Variants in PDS5B observed in about 807,000 individuals in gnomAD.
PDS5B encodes sister chromatid cohesion protein PDS5 homolog B.
Under a neutral mutation model 184.1 loss-of-function variants are expected in PDS5B, and 51 were observed. That is an observed-to-expected ratio of 0.28 (90% CI 0.22 to 0.35). The LOEUF (loss-of-function observed/expected upper bound fraction) is 0.35. Ranked by LOEUF, PDS5B falls within the 10% of genes least tolerant of loss-of-function variation. The pLI is 1.00. For missense variants in PDS5B, 1,180 were observed against 1,723.3 expected (o/e 0.68, Z 5.58); for synonymous variants, 566 against 569.2 (o/e 0.99, Z 0.08).
At chr13:32,652,571 C>G in intron 3 of PDS5B, 1 of 104,082 alleles carries the variant, frequency 9.6e-6, no homozygotes, top group Non-Finnish European at 1.8e-5. Flanking sequence ...GGCGTTGTCT[C>G]TACTTTAAAA....
chr13:32,650,517 A>C (rs911372832), intron 2 of PDS5B: 9 of 152,178 alleles, frequency 5.9e-5, no homozygotes, highest in African/African-American at 2.2e-4. Flanking sequence ...AATATGCTTA[A>C]TCTCTTATCT....
intron 1 of PDS5B, among the ~76,000 whole-genome samples, chr13:32,633,483 T>C (rs1438221771): frequency 2.0e-5 from 3 of 152,166 alleles, no homozygotes; most frequent in South Asian, 2.1e-4. Context: ...TTGTTGATTT[T>C]AGCCAGGAAG....
At chr13:32,663,147 G>T (rs1293585898) in intron 6 of PDS5B, among the ~76,000 whole-genome samples, 1 of 152,002 alleles carries the variant, frequency 6.6e-6, no homozygotes, top group Non-Finnish European at 1.5e-5. Flanking sequence ...AATTACAGCA[G>T]CAGAACTCAA....
At chr13:32,701,987 G>A (rs1951875285) in intron 17 of PDS5B, among the ~76,000 whole-genome samples, 1 of 151,976 alleles carries the variant, frequency 6.6e-6, no homozygotes, top group South Asian at 2.1e-4. Flanking sequence ...ATTCCCTTTT[G>A]TGAAATGTGG....
Position 32,770,119 on chromosome 13 carries a change from A to G in PDS5B, c.3625-2A>G, listed in dbSNP as rs768428902. 6.3e-7 allele frequency: 1 copy of G among 1,580,338 alleles called. No homozygotes were observed. Among genetic ancestry groups the G allele is most frequent in the African/African-American group, 1.4e-5 (1 of 72,286 alleles). Reference sequence around the variant, plus strand: ...TAAATTGTGATTTTTTTTTTCCCCTAGTCTGAATTGGAGAAGCCTAGAGGC... The same window carrying G: ...TAAATTGTGATTTTTTTTTTCCCCTGGTCTGAATTGGAGAAGCCTAGAGGC... On this transcript the variant is annotated splice_acceptor_variant, in intron 31 of 34. Coordinates refer to ENST00000315596, the MANE Select transcript of PDS5B (RefSeq NM_015032.4). LOFTEE classifies it high-confidence loss of function.
Position 32,709,990 on chromosome 13 carries a change from A to G in PDS5B, c.2007A>G (p.Thr669=). 1 of 1,515,900 alleles carries G rather than the reference A, an allele frequency of 6.6e-7. No individual in the cohort carries two copies. The highest frequency in any genetic ancestry group is 9.0e-7 in the Non-Finnish European group (1 of 1,116,094). 93.9% of individuals were successfully genotyped at this position (1,515,900 alleles called of 1,614,324 possible). ...THPISFHSAE[T]FESLLACLKM... ...CCATCTCATTTCATTCTGCTGAAAC[A>G]TTTGAATCATTACTGGCTTGTCTGA... Residue 669 remains threonine (T), a synonymous_variant, in exon 19 of 35, where the codon ACA becomes ACG. Coordinates refer to ENST00000315596, the MANE Select transcript of PDS5B (RefSeq NM_015032.4).
intron 1 of PDS5B, among the ~76,000 whole-genome samples, chr13:32,607,693 G>T (rs989123858): frequency 4.5e-5 from 3 of 67,140 alleles, no homozygotes. Flanking sequence ...TTTAGCTGGG[G>T]TGGGGTGGGC....
At position 32,735,340 on chromosome 13, in the gene PDS5B, A is replaced by G. The variant is rs1359699283; in HGVS notation, c.2406+10A>G. On this transcript the variant is annotated intron_variant, in intron 21 of 34. Coordinates refer to ENST00000315596, the MANE Select transcript of PDS5B (RefSeq NM_015032.4). ...TCTCATGAATGATCGGGTAATTTAT[A>G]TTTTTTAGATTCATGTTCTTTGTAA... 1 of 1,581,786 alleles carries G rather than the reference A, an allele frequency of 6.3e-7. No individual in the cohort carries two copies.
intron 25 of PDS5B, 29 bp downstream of exon 25, chr13:32,753,565 CT>C (rs1954063231): frequency 1.4e-6 from 2 of 1,468,468 alleles, no homozygotes; most frequent in Non-Finnish European, 1.9e-6. Flanking sequence ...GGAAAGGATA[CT>C]TTTTCAGCCT....
intron 20 of PDS5B, 49 bp downstream of exon 20, chr13:32,732,273 A>T (rs1566386606): frequency 7.9e-7 from 1 of 1,266,936 alleles, no homozygotes; most frequent in Non-Finnish European, 1.1e-6. Flanking sequence ...ATAGTTACAA[A>T]ACAAATATTG....
At position 32,755,567 on chromosome 13, in the gene PDS5B, T is replaced by G. The variant is rs1653908406; in HGVS notation, c.2942-275T>G. 2.6e-5 allele frequency among the ~76,000 whole-genome samples: 4 copies of G among 152,192 alleles called. No individual in the cohort carries two copies. The South Asian group carries it at 8.3e-4, about 31-fold the overall frequency. On this transcript the variant is annotated intron_variant, in intron 25 of 34. Coordinates refer to ENST00000315596, the MANE Select transcript of PDS5B (RefSeq NM_015032.4). ...TTACGTATTTTAAAACTGAAATATT[T>G]GTTTTTGTAGCCTCAGCCCATGGTG...
At chr13:32,671,603 A>G (rs527649430) in intron 7 of PDS5B, among the ~76,000 whole-genome samples, 34 of 152,320 alleles carry the variant, frequency 2.2e-4, no homozygotes, top group African/African-American at 7.7e-4. Flanking sequence ...TCTTTTTAAA[A>G]CCAAAAAAGA....
intron 1 of PDS5B, among the ~76,000 whole-genome samples, chr13:32,609,144 T>C (rs1407686821): frequency 6.6e-6 from 1 of 152,236 alleles, no homozygotes; most frequent in Admixed American, 6.5e-5. Context: ...TTGCTGTGCA[T>C]AATGCAACTA....
Position 32,665,634 on chromosome 13 carries a change from ACCTCAAGATAGGAATGAATTTCTT to A in PDS5B, c.625-2129_625-2106del, listed in dbSNP as rs1555298454. Among the ~76,000 whole-genome samples, 53 of 149,768 alleles carry A rather than the reference ACCTCAAGATAGGAATGAATTTCTT, an allele frequency of 3.5e-4. 1 individual carries two copies. Among genetic ancestry groups the A allele is most frequent in the Non-Finnish European group, 6.4e-4 (43 of 67,164 alleles). On this transcript the variant is annotated intron_variant, in intron 6 of 34. Coordinates refer to ENST00000315596, the MANE Select transcript of PDS5B (RefSeq NM_015032.4). ...AAAAAAGAAAATAAACATCTTTACA[ACCTCAAGATAGGAATGAATTTCTT>A]AAGAAAGCTATAGAGAGCAAAGCCG...
chr13:32,689,828 C>T (rs1264953212), intron 13 of PDS5B: 4 of 152,096 alleles, frequency 2.6e-5, no homozygotes, highest in African/African-American at 9.7e-5. Flanking sequence ...CTCTTTTTCT[C>T]ATGGCAAAAT....
At chr13:32,617,059 A>G (rs2058230084) in intron 1 of PDS5B, among the ~76,000 whole-genome samples, 2 of 152,202 alleles carry the variant, frequency 1.3e-5, no homozygotes, top group African/African-American at 2.4e-5. Flanking sequence ...TATGCAAAAG[A>G]GAGCTCTCCC....
At chr13:32,610,424 G>A (rs1050934022) in intron 1 of PDS5B, among the ~76,000 whole-genome samples, 4 of 152,130 alleles carry the variant, frequency 2.6e-5, no homozygotes, top group Non-Finnish European at 5.9e-5. Flanking sequence ...ATTCCAGTAA[G>A]TACTCAATAA....
intron 1 of PDS5B, among the ~76,000 whole-genome samples, chr13:32,615,807 GTAAC>G (rs1168914524): frequency 3.3e-5 from 5 of 152,118 alleles, no homozygotes; most frequent in African/African-American, 1.2e-4. Context: ...GTACATATAA[GTAAC>G]TTATATAGTC....
At chr13:32,678,430 T>C (rs1437667985) in intron 9 of PDS5B, among the ~76,000 whole-genome samples, 6 of 152,184 alleles carry the variant, frequency 3.9e-5, no homozygotes. Context: ...TGCCCTATAT[T>C]TAAAAGGGAA....
Sources: allele counts gnomAD v4.1 joint callset (sites outside exome capture counted in the v4.1 genomes callset), GRCh38; gene constraint gnomAD v4.1.1; transcripts MANE v1.5; gene names NCBI Gene and HGNC (gene_info 2026-07-23, HGNC 2026-07-21).